ATG7: variants seen among roughly 807,000 people sequenced by gnomAD.
ATG7 encodes autophagy related 7.
ATG7 carries 70 observed loss-of-function variants against 82.4 expected under a neutral mutation model. The observed-to-expected ratio is 0.85, with a 90% CI of 0.70 to 1.04. The LOEUF (loss-of-function observed/expected upper bound fraction) is 1.04. ATG7 is among the 50% of genes least tolerant of loss of function. The probability of loss-of-function intolerance (pLI) is 0.00; values close to 1 mark genes in which losing one functional copy is unlikely to be tolerated. For synonymous variants in ATG7, 287 were observed against 313.0 expected, an observed-to-expected ratio of 0.92 and a Z score of 0.88; for missense variants, 792 against 864.3, an observed-to-expected ratio of 0.92 and a Z score of 1.05.
intron 20 of ATG7, among the ~76,000 whole-genome samples, chr3:11,540,942 C>CA (rs1470233850): frequency 6.6e-6 from 1 of 150,660 alleles, no homozygotes; most frequent in Non-Finnish European, 1.5e-5. Flanking sequence ...CTCTGTCGCC[C>CA]AGGCTGGAGT....
intron 20 of ATG7, among the ~76,000 whole-genome samples, chr3:11,493,775 G>A (rs1359221644): frequency 6.6e-6 from 1 of 152,226 alleles, no homozygotes; most frequent in Non-Finnish European, 1.5e-5. Flanking sequence ...CTGTGAAGAA[G>A]AGGTTTTTGA....
rs2072437805 is a variant in ATG7 at position 11,556,609 on chromosome 3, A to T, written c.*1766A>T. ...AGACAAATCTACGACAAAAAAAAAG[A>T]TCAACTTTTTTTTTCCGAACAACAA... On this transcript the variant is annotated 3_prime_UTR_variant, in exon 21 of 21. Coordinates refer to ENST00000693202, the MANE Select transcript of ATG7 (RefSeq NM_001349232.2). 1 of 152,376 alleles carries T rather than the reference A, an allele frequency of 6.6e-6. No homozygotes were observed. The highest frequency in any genetic ancestry group is 2.4e-5 in the African/African-American group (1 of 41,162). The allele number at this position is 152,376 out of a possible 1,614,324, so 9.4% of individuals were successfully genotyped here. A position where few individuals can be genotyped will look rare whatever the true frequency, so the allele number is the denominator to read the frequency against.
chr3:11,548,119 C>T (rs778882669), intron 20 of ATG7, among the ~76,000 whole-genome samples: 10 of 152,228 alleles, frequency 6.6e-5, no homozygotes, highest in Admixed American at 2.0e-4. Flanking sequence ...GCTGAAATTA[C>T]AGGCATGAGC....
chr3:11,298,461 A>T (rs1030420697), intron 3 of ATG7, among the ~76,000 whole-genome samples: 9 of 152,210 alleles, frequency 5.9e-5, no homozygotes, highest in African/African-American at 2.2e-4. Flanking sequence ...CAACGTTGTG[A>T]TTATACTTAA....
intron 13 of ATG7, among the ~76,000 whole-genome samples, chr3:11,346,206 C>T (rs774399876): frequency 6.6e-6 from 1 of 152,132 alleles, no homozygotes; most frequent in Non-Finnish European, 1.5e-5. Flanking sequence ...AATATGCCTT[C>T]TGATAGGATG....
At chr3:11,493,694 T>C (rs985756814) in intron 20 of ATG7, among the ~76,000 whole-genome samples, 1 of 152,030 alleles carries the variant, frequency 6.6e-6, no homozygotes, top group East Asian at 1.9e-4. Flanking sequence ...AGGCACAAGG[T>C]AGGTAAATAC....
chr3:11,448,224 T>C (rs1387226634), intron 20 of ATG7, among the ~76,000 whole-genome samples: 1 of 152,206 alleles, frequency 6.6e-6, no homozygotes, highest in African/African-American at 2.4e-5. Flanking sequence ...CAAAGAACTT[T>C]CTCTGAGATT....
At chr3:11,328,250 A>G (rs938860304) in intron 9 of ATG7, among the ~76,000 whole-genome samples, 1 of 152,234 alleles carries the variant, frequency 6.6e-6, no homozygotes, top group East Asian at 1.9e-4. Flanking sequence ...CTATGAAATA[A>G]GTAATATATT....
At chr3:11,540,227 T>C (rs982964123) in intron 20 of ATG7, among the ~76,000 whole-genome samples, 2 of 152,256 alleles carry the variant, frequency 1.3e-5, no homozygotes, top group Non-Finnish European at 2.9e-5. Flanking sequence ...GTAGTCCTTT[T>C]CATTCTGGCC....
chr3:11,530,882 G>T (rs2092681742), intron 20 of ATG7, among the ~76,000 whole-genome samples: 1 of 152,194 alleles, frequency 6.6e-6, no homozygotes, highest in Admixed American at 6.5e-5. Context: ...TTGGGAGGCT[G>T]AGGCAACGGT....
intron 14 of ATG7, among the ~76,000 whole-genome samples, chr3:11,352,888 G>A (rs2075668454): frequency 6.6e-6 from 1 of 152,184 alleles, no homozygotes; most frequent in African/African-American, 2.4e-5. Flanking sequence ...CCAGAGAGTG[G>A]TGGGAAAGGC....
intron 3 of ATG7, among the ~76,000 whole-genome samples, chr3:11,297,526 G>A (rs770708885): frequency 4.6e-5 from 7 of 152,096 alleles, no homozygotes; most frequent in African/African-American, 7.2e-5. Flanking sequence ...ATGTTACCCC[G>A]GAGAGTATGG....
intron 19 of ATG7, among the ~76,000 whole-genome samples, chr3:11,395,096 C>CT (rs1449185936): frequency 2.0e-5 from 3 of 152,046 alleles, no homozygotes; most frequent in African/African-American, 7.2e-5. Flanking sequence ...ATTTAAAAAA[C>CT]TGAAATCTAG....
downstream of ATG7, among the ~76,000 whole-genome samples, chr3:11,560,734 G>A (rs771286891): frequency 6.6e-6 from 1 of 152,184 alleles, no homozygotes; most frequent in South Asian, 2.1e-4. Context: ...AGAATTCAGG[G>A]TTTCTTAGTG....
chr3:11,379,853 A>G (rs904119942), intron 18 of ATG7, 119 bp from the exon 19 acceptor site: 4 of 956,992 alleles, frequency 4.2e-6, no homozygotes, highest in African/African-American at 3.3e-5. Context: ...TTTGCTCATA[A>G]TCTCTTTCCG....
intron 9 of ATG7, among the ~76,000 whole-genome samples, chr3:11,329,538 T>G (rs913591210): frequency 6.6e-6 from 1 of 152,246 alleles, no homozygotes; most frequent in Non-Finnish European, 1.5e-5. Flanking sequence ...CATCTACTTT[T>G]TTATCATACA....
downstream of ATG7, among the ~76,000 whole-genome samples, chr3:11,562,348 C>T (rs2073097775): frequency 6.6e-6 from 1 of 152,186 alleles, no homozygotes; most frequent in Non-Finnish European, 1.5e-5. Context: ...CCTCTGGGAA[C>T]TTTCCTGTCC....
chr3:11,288,802 A>G (rs1270737948), intron 3 of ATG7: 1 of 152,124 alleles, frequency 6.6e-6, no homozygotes, highest in Admixed American at 6.6e-5. Context: ...ACTGAGTTTT[A>G]TTTTCATTAA....
In ATG7 at chr3:11,300,053, T is replaced by C. The variant is rs150112420; in HGVS notation, c.215+637T>C. Among the ~76,000 whole-genome samples, 663 of 152,166 alleles carry C rather than the reference T, an allele frequency of 4.4e-3. 5 individuals carry two copies. Among genetic ancestry groups the C allele is most frequent in the African/African-American group, 0.015 (625 of 41,496 alleles). ...TTTTCTCGTGCCTTAGCCTCCCAAGTAGCTGGGACTACAAGCTCACGCCAT... is the reference window on the plus strand; with the variant it reads ...TTTTCTCGTGCCTTAGCCTCCCAAGCAGCTGGGACTACAAGCTCACGCCAT... On this transcript the variant is annotated intron_variant, in intron 5 of 20. Transcript: ENST00000693202.
Sources: gnomAD v4.1 joint callset for allele counts (sites outside exome capture counted in the v4.1 genomes callset) on GRCh38, gnomAD v4.1.1 for gene constraint, MANE v1.5 for transcripts, NCBI Gene and HGNC (gene_info 2026-07-23, HGNC 2026-07-21) for gene names.